The following SLCO6A1 variants were observed in gnomAD, a reference collection of about 807,000 sequenced individuals.
SLCO6A1 encodes the protein cancer/testis antigen 48.
Under a neutral mutation model 72.7 loss-of-function variants are expected in SLCO6A1, and 65 were observed. The observed-to-expected ratio is 0.89, with a 90% confidence interval of 0.73 to 1.10. The LOEUF is 1.10. SLCO6A1 is among the 50% of genes least tolerant of loss of function. SLCO6A1 has a pLI of 0.00. For missense variants in SLCO6A1, 874 were observed against 872.6 expected, an observed-to-expected ratio of 1.00 and a Z score of -0.02; for synonymous variants, 314 against 298.2, an observed-to-expected ratio of 1.05 and a Z score of -0.55.
chr5:102,441,095 G>C (rs1379548004), intron 6 of SLCO6A1, among the ~76,000 whole-genome samples: 2 of 152,140 alleles, frequency 1.3e-5, no homozygotes, highest in African/African-American at 4.8e-5. Context: ...TCATAGAACA[G>C]AAATCCTTGA....
rs548429875 is a variant in SLCO6A1 at position 102,455,940 on chromosome 5, G to C, written c.1131+2442C>G. Among the ~76,000 whole-genome samples, 16 of 152,272 alleles carry C rather than the reference G, an allele frequency of 1.1e-4. No homozygotes were observed. In the South Asian group the frequency reaches 3.3e-3, roughly 32 times the overall value. ...GTGGGCTTCATCCCTGGGATGCAAG[G>C]CTGGTACAACATATGCAAATCAATA... is the stretch of plus-strand genomic sequence containing the variant. On this transcript the variant is annotated intron_variant, in intron 6 of 13. Coordinates refer to ENST00000506729, the MANE Select transcript of SLCO6A1 (RefSeq NM_173488.5).
chr5:102,459,657 T>C lies in SLCO6A1; in HGVS notation c.1020A>G (p.Pro340=), dbSNP rs769384809. 6 of 1,579,486 alleles carry C rather than the reference T, an allele frequency of 3.8e-6. No individual in the cohort carries two copies. The East Asian group carries it at 1.4e-4, about 36-fold the overall frequency. The change falls in exon 5 of 14, where the codon CCA becomes CCG. Residue 340 remains proline (P), a splice_region_variant and synonymous_variant. Transcript: ENST00000506729. ...IPLSCFPNNM[P]GSTRIKARKR... ...TAATAAATTACATTTTATAGTCACC[T>C]GGCATATTGTTTGGAAAGCATGACA...
At chr5:102,494,860 A>C (rs1752838846) in intron 1 of SLCO6A1, among the ~76,000 whole-genome samples, 2 of 152,232 alleles carry the variant, frequency 1.3e-5, no homozygotes, top group Admixed American at 6.5e-5. Context: ...ACACTTAAAT[A>C]CTTATACAGC....
At position 102,477,816 on chromosome 5, in the gene SLCO6A1, C is replaced by T. The variant is rs1561494082; in HGVS notation, c.662G>A (p.Gly221Asp). 1 of 1,613,174 alleles carries T rather than the reference C, an allele frequency of 6.2e-7. No individual in the cohort carries two copies. Among genetic ancestry groups the T allele is most frequent in the Admixed American group, 1.7e-5 (1 of 59,880 alleles). Reference protein sequence around the residue: ...IKVVSGCQSSGISFQSKYLSF... With the variant: ...IKVVSGCQSSDISFQSKYLSF... ...CAGGTATTTTGATTGGAATGATATACCACTGCTCTGGCAACCACTGACAAC... is the reference window on the plus strand; with the variant it reads ...CAGGTATTTTGATTGGAATGATATATCACTGCTCTGGCAACCACTGACAAC... Residue 221 changes from glycine to aspartate, a missense_variant, in exon 3 of 14, where the codon GGT becomes GAT. Physicochemically the swap from Gly to Asp is moderately conservative, Grantham distance 94. Transcript: ENST00000506729.
At position 102,457,403 on chromosome 5, in the gene SLCO6A1, C is replaced by T. The variant is rs534385713; in HGVS notation, c.1131+979G>A. ...TCTACAATGAACTCAAACAAATTTA[C>T]AAGAAAAAAAAAACAACCCCATCAA... On this transcript the variant is annotated intron_variant, in intron 6 of 13. Coordinates refer to ENST00000506729, the MANE Select transcript of SLCO6A1 (RefSeq NM_173488.5). Among the ~76,000 whole-genome samples the T allele has an allele frequency of 2.1e-3, 316 of 149,966 alleles. 3 individuals are homozygous for T. The highest frequency in any genetic ancestry group is 7.3e-3 in the African/African-American group (300 of 40,900).
intron 3 of SLCO6A1, 74 bp downstream of exon 3, chr5:102,477,602 C>G: frequency 1.6e-6 from 2 of 1,236,686 alleles, no homozygotes; most frequent in Non-Finnish European, 2.3e-6. Context: ...ACTTCTATAT[C>G]AGCTTAGATA....
At chr5:102,484,873 T>C (rs181972613) in intron 1 of SLCO6A1, among the ~76,000 whole-genome samples, 6 of 152,312 alleles carry the variant, frequency 3.9e-5, no homozygotes, top group African/African-American at 1.2e-4. Context: ...TATATTTTAG[T>C]AGTTTTTACA....
At position 102,498,469 on chromosome 5, in the gene SLCO6A1, C is replaced by A. The variant is rs369620750; in HGVS notation, c.358+18G>T. On this transcript the variant is annotated intron_variant, in intron 1 of 13. Coordinates refer to ENST00000506729, the MANE Select transcript of SLCO6A1 (RefSeq NM_173488.5). ...CCCAGCTGCCCTCGCCACAACAAAC[C>A]GCCTCCTTCAGGCTCACCTTGACAT... is the stretch of plus-strand genomic sequence containing the variant. 15 of 1,599,946 alleles carry A rather than the reference C, an allele frequency of 9.4e-6. No individual in the cohort carries two copies. Among genetic ancestry groups the A allele is most frequent in the African/African-American group, 1.3e-5 (1 of 74,514 alleles).
At chr5:102,404,283 C>T (rs930124786) in intron 9 of SLCO6A1, among the ~76,000 whole-genome samples, 2 of 152,176 alleles carry the variant, frequency 1.3e-5, no homozygotes, top group African/African-American at 4.8e-5. Context: ...ATCACAAGGT[C>T]AGGAGATCGA....
chr5:102,458,397 T>A lies in SLCO6A1; in HGVS notation c.1116A>T (p.Leu372Phe). The A allele has an allele frequency of 6.2e-7, 1 of 1,610,742 alleles. No homozygotes were observed. Among genetic ancestry groups the A allele is most frequent in the East Asian group, 2.2e-5 (1 of 44,746 alleles). Residue 372 changes from leucine (L) to phenylalanine (F), a missense_variant, in exon 6 of 14, where the codon TTA becomes TTT. Physicochemically the swap from Leu to Phe is conservative, Grantham distance 22. Coordinates refer to ENST00000506729, the MANE Select transcript of SLCO6A1 (RefSeq NM_173488.5). ...TTTACTTTACCCAAAGAGCAGCACATAAATCCTTGATATTAGTTCCAAGTT... is the reference window on the plus strand; with the variant it reads ...TTTACTTTACCCAAAGAGCAGCACAAAAATCCTTGATATTAGTTCCAAGTT... ...DLKLGTNIKDLCAALWILMKN... is the reference protein window; with the variant it reads ...DLKLGTNIKDFCAALWILMKN...
chr5:102,436,577 A>G (rs1309007293), intron 7 of SLCO6A1, among the ~76,000 whole-genome samples: 1 of 152,136 alleles, frequency 6.6e-6, no homozygotes, highest in Non-Finnish European at 1.5e-5. Context: ...GCAAACCTAC[A>G]TTGAAGCTGA....
intron 7 of SLCO6A1, among the ~76,000 whole-genome samples, chr5:102,425,532 T>A (rs1379077228): frequency 6.6e-6 from 1 of 152,068 alleles, no homozygotes; most frequent in Non-Finnish European, 1.5e-5. Context: ...ACAAAGAGAA[T>A]AAAATACCTA....
chr5:102,466,039 G>T (rs1280209967), intron 4 of SLCO6A1, among the ~76,000 whole-genome samples: 1 of 151,896 alleles, frequency 6.6e-6, no homozygotes, highest in Non-Finnish European at 1.5e-5. Flanking sequence ...TTTATTTTAA[G>T]TTCATGGGTA....
chr5:102,406,830 C>T (rs912200345), intron 9 of SLCO6A1, among the ~76,000 whole-genome samples: 14 of 151,956 alleles, frequency 9.2e-5, no homozygotes, highest in African/African-American at 3.1e-4. Flanking sequence ...GCAGACACTG[C>T]GGAATAGAGG....
At chr5:102,388,597 G>A in intron 12 of SLCO6A1, 91 bp downstream of exon 12, 1 of 983,596 alleles carries the variant, frequency 1.0e-6, no homozygotes, top group Non-Finnish European at 1.4e-6. Context: ...TTTAATTCAT[G>A]GTTTAAAATT....
At chr5:102,433,591 T>C (rs1749337639) in intron 7 of SLCO6A1, among the ~76,000 whole-genome samples, 2 of 152,200 alleles carry the variant, frequency 1.3e-5, no homozygotes, top group Non-Finnish European at 2.9e-5. Context: ...TATTGGGCAC[T>C]GGCTTTGTTC....
chr5:102,477,893 A>T (rs374185047), intron 2 of SLCO6A1, 32 bp from the exon 3 acceptor site: 1 of 1,548,764 alleles, frequency 6.5e-7, no homozygotes, highest in Non-Finnish European at 8.8e-7. Flanking sequence ...TATTTTTGTT[A>T]ATTGAACTCA....
chr5:102,485,219 C>A (rs1369779695), intron 1 of SLCO6A1, among the ~76,000 whole-genome samples: 1 of 151,412 alleles, frequency 6.6e-6, no homozygotes, highest in Non-Finnish European at 1.5e-5. Context: ...CCATTGCATT[C>A]CAGTCTGGGC....
chr5:102,416,842 C>A (rs1438179898), intron 8 of SLCO6A1, among the ~76,000 whole-genome samples: 2 of 152,130 alleles, frequency 1.3e-5, no homozygotes, highest in African/African-American at 2.4e-5. Flanking sequence ...GTTATGTGGG[C>A]CATTTCTACA....
Sources: allele counts gnomAD v4.1 joint callset (sites outside exome capture counted in the v4.1 genomes callset), GRCh38; gene constraint gnomAD v4.1.1; transcripts MANE v1.5; gene names NCBI Gene and HGNC (gene_info 2026-07-23, HGNC 2026-07-21).